CPAMD8: variants seen among roughly 807,000 people sequenced by gnomAD.
CPAMD8 encodes C3 and PZP-like alpha-2-macroglobulin domain-containing protein 8.
CPAMD8 carries 146 observed loss-of-function variants against 224.7 expected under a neutral mutation model. That is an observed-to-expected ratio of 0.65 (90% CI 0.57 to 0.75). The LOEUF is 0.75. Ranked by LOEUF, CPAMD8 falls within the 30% of genes least tolerant of loss-of-function variation. The pLI, the probability that CPAMD8 is intolerant of heterozygous loss-of-function variation, is 0.00. For synonymous variants in CPAMD8, 966 were observed against 1,044.6 expected, an observed-to-expected ratio of 0.92 and a Z score of 1.45; for missense variants, 2,301 against 2,537.5, an observed-to-expected ratio of 0.91 and a Z score of 2.00.
At chr19:16,934,091 A>G (rs1479789382) in intron 23 of CPAMD8, among the ~76,000 whole-genome samples, 1 of 152,218 alleles carries the variant, frequency 6.6e-6, no homozygotes. Context: ...TACATACGAC[A>G]TGATTCCATT....
At chr19:16,991,995 C>A (rs1230851652) in intron 12 of CPAMD8, among the ~76,000 whole-genome samples, 1 of 152,134 alleles carries the variant, frequency 6.6e-6, no homozygotes, top group African/African-American at 2.4e-5. Context: ...GTGGTTAAAA[C>A]CTTTAGGACA....
In CPAMD8 at chr19:16,993,421, G is replaced by C; in HGVS notation, c.1261C>G (p.Leu421Val). Residue 421 changes from leucine (L) to valine (V), a missense_variant, in exon 12 of 42, where the codon CTG (leucine) becomes GTG (valine). Physicochemically the swap from Leu to Val is conservative, Grantham distance 32. Transcript: ENST00000443236. ...GGTCCACGGGACTCACCCACCTCCAGCCACACGTGCTGGGCTGACGTGGGG... is the reference window on the plus strand; with the variant it reads ...GGTCCACGGGACTCACCCACCTCCACCCACACGTGCTGGGCTGACGTGGGG... Reference protein sequence around the residue: ...SIPTSAQHVWLETKVMALNGK... With the variant: ...SIPTSAQHVWVETKVMALNGK... 1.2e-6 allele frequency: 2 copies of C among 1,612,448 alleles called. No individual in the cohort carries two copies. Among genetic ancestry groups the C allele is most frequent in the Non-Finnish European group, 1.7e-6 (2 of 1,179,258 alleles).
At chr19:16,903,657 C>T in intron 33 of CPAMD8, 34 bp from the exon 34 acceptor site, 3 of 1,614,048 alleles carry the variant, frequency 1.9e-6, no homozygotes, top group Non-Finnish European at 1.7e-6. Context: ...GCCCTGCTGA[C>T]CCCTCCTCCA....
intron 24 of CPAMD8, 86 bp downstream of exon 24, chr19:16,928,856 A>T: frequency 8.7e-7 from 1 of 1,148,380 alleles, no homozygotes; most frequent in South Asian, 1.6e-5. Flanking sequence ...CTGACCCTGG[A>T]TCAAAGCCTG....
chr19:16,927,745 T>G (rs1422270222), intron 25 of CPAMD8, among the ~76,000 whole-genome samples: 1 of 152,198 alleles, frequency 6.6e-6, no homozygotes, highest in Non-Finnish European at 1.5e-5. Context: ...AGGTTTAGAC[T>G]TGGGGGGCTC....
At chr19:17,019,908 T>G (rs2056907399) in intron 3 of CPAMD8, among the ~76,000 whole-genome samples, 2 of 151,864 alleles carry the variant, frequency 1.3e-5, no homozygotes, top group Non-Finnish European at 2.9e-5. Context: ...AAAATGATTT[T>G]TCTCACAACA....
chr19:16,971,511 C>T (rs1228598828), intron 17 of CPAMD8, among the ~76,000 whole-genome samples: 2 of 152,076 alleles, frequency 1.3e-5, no homozygotes, highest in Non-Finnish European at 2.9e-5. Flanking sequence ...TTGTATGATT[C>T]CGTTGAGATG....
At chr19:16,905,561 G>A (rs936393379) in intron 30 of CPAMD8, among the ~76,000 whole-genome samples, 143 of 85,508 alleles carry the variant, frequency 1.7e-3, no homozygotes, top group Non-Finnish European at 1.7e-3. Context: ...AAAAAAAAAG[G>A]AAGAAAAGAA....
chr19:16,968,666 T>A (rs1184230531), intron 18 of CPAMD8, among the ~76,000 whole-genome samples: 1 of 151,990 alleles, frequency 6.6e-6, no homozygotes, highest in Non-Finnish European at 1.5e-5. Context: ...AGAGACAGAG[T>A]CTCACTCTGT....
chr19:16,928,966 G>A lies in CPAMD8; in HGVS notation c.3120C>T (p.Ile1040=), dbSNP rs1472074259. 5 of 1,611,090 alleles carry A rather than the reference G, an allele frequency of 3.1e-6. No individual in the cohort carries two copies. The highest frequency in any genetic ancestry group is 3.4e-6 in the Non-Finnish European group (4 of 1,178,186). Residue 1040 remains isoleucine (I), a synonymous_variant, in exon 24 of 42, where the codon ATC becomes ATT. Transcript: ENST00000443236. ...LSWDEFRTFW[I]SWRGGLIQVG... ...CCTGGATAAGGCCACCACGCCAGCT[G>A]ATCCAGAATGTTCTGAATTCATCCC...
At chr19:16,980,208 G>C (rs2122760489) in intron 14 of CPAMD8, among the ~76,000 whole-genome samples, 1 of 152,302 alleles carries the variant, frequency 6.6e-6, no homozygotes, top group East Asian at 1.9e-4. Flanking sequence ...TGGGCAAAGA[G>C]GCAACAGCAC....
chr19:16,997,138 G>A lies in CPAMD8; in HGVS notation c.1068C>T (p.Phe356=), dbSNP rs763336599. The change falls in exon 11 of 42, where the codon TTC becomes TTT. Residue 356 remains phenylalanine (F), a synonymous_variant. Coordinates refer to ENST00000443236, the MANE Select transcript of CPAMD8 (RefSeq NM_015692.5). ...IRYSKDTRKQ[F]KPGLAYVGKV... is the part of the protein sequence containing the mutation. Reference sequence around the variant, plus strand: ...TCCCCACGTAGGCCAGGCCCGGCTTGAACTGCTTCCTCGTGTCCTTGGAGT... The same window carrying A: ...TCCCCACGTAGGCCAGGCCCGGCTTAAACTGCTTCCTCGTGTCCTTGGAGT... The A allele has an allele frequency of 1.9e-6, 3 of 1,608,460 alleles. No homozygotes were observed. The African/African-American group carries it at 4.0e-5, about 22-fold the overall frequency.
At chr19:17,025,567 C>A (rs1221035515) in intron 1 of CPAMD8, among the ~76,000 whole-genome samples, 6 of 152,202 alleles carry the variant, frequency 3.9e-5, no homozygotes, top group Non-Finnish European at 8.8e-5. Context: ...TGTTTACCAG[C>A]ATTCCTGGCC....
At chr19:16,912,595 G>A (rs115156329) in intron 29 of CPAMD8, among the ~76,000 whole-genome samples, 2,772 of 152,158 alleles carry the variant, frequency 0.018, 98 homozygotes, top group African/African-American at 0.064. Flanking sequence ...CTAAAAATAC[G>A]AAAATTAGCC....
intron 3 of CPAMD8, among the ~76,000 whole-genome samples, chr19:17,014,897 T>C (rs1278895427): frequency 6.6e-6 from 1 of 152,180 alleles, no homozygotes; most frequent in African/African-American, 2.4e-5. Context: ...CAGGTGGACA[T>C]TACCTCCAAG....
At chr19:16,951,758 C>T (rs536237405) in intron 20 of CPAMD8, among the ~76,000 whole-genome samples, 1 of 152,262 alleles carries the variant, frequency 6.6e-6, no homozygotes, top group South Asian at 2.1e-4. Flanking sequence ...TCTCATCCCA[C>T]TCCTGCCTCC....
At chr19:16,948,661 G>A (rs2054184096) in intron 20 of CPAMD8, among the ~76,000 whole-genome samples, 1 of 151,544 alleles carries the variant, frequency 6.6e-6, no homozygotes, top group South Asian at 2.1e-4. Context: ...TTGAACCTAG[G>A]AGGTGGAGGT....
chr19:17,008,759 C>A lies in CPAMD8; in HGVS notation c.505-200G>T, dbSNP rs573270766. ...GAAAAGCAGAAGGGGATGGGCTGGG[C>A]CTACCTCCTCATTTAGGGAGCCGTG... On this transcript the variant is annotated intron_variant, in intron 6 of 41. Transcript: ENST00000443236. 14 of 649,842 alleles carry A rather than the reference C, an allele frequency of 2.2e-5. No homozygotes were observed. The East Asian group carries it at 3.8e-4, about 17-fold the overall frequency. The allele number at this position is 649,842 out of a possible 1,614,324, so 40.3% of individuals were successfully genotyped here.
rs1235939100 is a variant in CPAMD8, at chr19:16,902,659, C to A, written c.4675G>T (p.Val1559Leu). 1 of 1,607,634 alleles carries A rather than the reference C, an allele frequency of 6.2e-7. No individual in the cohort carries two copies. The highest frequency in any genetic ancestry group is 2.2e-5 in the East Asian group (1 of 44,786). Reference protein sequence around the residue: ...HHQEYKVMLEVCTRWLHAGSS... With the variant: ...HHQEYKVMLELCTRWLHAGSS... Reference sequence around the variant, plus strand: ...GGCAGGTGGCCTTACCTGGTGCACACCTCCAGCATCACCTTGTATTCCTGG... The same window carrying A: ...GGCAGGTGGCCTTACCTGGTGCACAACTCCAGCATCACCTTGTATTCCTGG... Residue 1559 changes from valine to leucine, a missense_variant, in exon 35 of 42, where the codon GTG (valine) becomes TTG (leucine). Val to Leu is a conservative substitution (Grantham distance 32, BLOSUM62 1). Coordinates refer to ENST00000443236, the MANE Select transcript of CPAMD8 (RefSeq NM_015692.5).
Sources: allele counts gnomAD v4.1 joint callset (sites outside exome capture counted in the v4.1 genomes callset), GRCh38; gene constraint gnomAD v4.1.1; transcripts MANE v1.5; gene names NCBI Gene and HGNC (gene_info 2026-07-23, HGNC 2026-07-21).